The following MMP17 variants were observed in gnomAD, a reference collection of about 807,000 sequenced individuals.
The protein encoded by MMP17 is matrix metallopeptidase 17.
A neutral mutation model predicts 49.1 loss-of-function variants in MMP17; 54 were observed. The ratio of observed to expected loss-of-function variants is 1.10; its 90% CI spans 0.88 to 1.38. MMP17 has a LOEUF of 1.38. Among genes scored for constraint, MMP17 ranks in the 40% most tolerant of loss-of-function variants. The pLI, the probability that MMP17 is intolerant of heterozygous loss-of-function variation, is 0.00. For missense variants in MMP17, 837 were observed against 853.7 expected, an observed-to-expected ratio of 0.98 and a Z score of 0.24; for synonymous variants, 397 against 383.1, an observed-to-expected ratio of 1.04 and a Z score of -0.42.
At chr12:131,840,485 C>G (rs886719873) in intron 3 of MMP17, 88 bp from the exon 4 acceptor site, 1 of 1,437,564 alleles carries the variant, frequency 7.0e-7, no homozygotes. Flanking sequence ...GGGGCACCCC[C>G]GGGCTGAGGA....
chr12:131,848,604 G>T (rs979297400), intron 8 of MMP17, among the ~76,000 whole-genome samples: 1 of 152,004 alleles, frequency 6.6e-6, no homozygotes, highest in South Asian at 2.1e-4. Flanking sequence ...CCTCCCCTGG[G>T]CACCCCCACT....
chr12:131,850,397 C>T (rs1445094085), intron 9 of MMP17, among the ~76,000 whole-genome samples: 2 of 152,324 alleles, frequency 1.3e-5, no homozygotes, highest in African/African-American at 4.8e-5. Context: ...CCTCCCTCGC[C>T]GGCCCCAGCC....
intron 1 of MMP17, among the ~76,000 whole-genome samples, chr12:131,834,139 C>T (rs531503906): frequency 1.3e-5 from 2 of 152,208 alleles, no homozygotes; most frequent in Admixed American, 1.3e-4. Context: ...GCCTCTGTGT[C>T]CCCATCTTTG....
At chr12:131,847,579 G>A (rs748193079) in intron 8 of MMP17, among the ~76,000 whole-genome samples, 35 of 152,218 alleles carry the variant, frequency 2.3e-4, no homozygotes, top group African/African-American at 4.3e-4. Context: ...CATCACGTGC[G>A]GCTCCCCTGC....
Position 131,845,152 on chromosome 12 carries a change from CACTT to C in MMP17, c.1004_1007del (p.His335LeufsTer22), listed in dbSNP as rs1237493571. The C allele has an allele frequency of 6.2e-7, 1 of 1,613,756 alleles. No individual in the cohort carries two copies. On this transcript the variant is annotated frameshift_variant, in exon 7 of 10. Coordinates refer to ENST00000360564, the MANE Select transcript of MMP17 (RefSeq NM_016155.7). LOFTEE classifies it high-confidence loss of function. ...GGACGTGCCCCACAGATGCAGCACT[CACTT>C]TGACGCGGTGGCCCAGATCCGGGGT...
intron 1 of MMP17, among the ~76,000 whole-genome samples, chr12:131,830,756 GGGCC>G (rs1322564908): frequency 6.6e-6 from 1 of 152,112 alleles, no homozygotes; most frequent in Non-Finnish European, 1.5e-5. Context: ...CTGGAGGGGA[GGGCC>G]CGCCCCGGAG....
At chr12:131,845,022 G>A in intron 6 of MMP17, 96 bp from the exon 7 acceptor site, 3 of 1,276,076 alleles carry the variant, frequency 2.4e-6, no homozygotes, top group South Asian at 2.4e-5. Context: ...AAGGATGCCT[G>A]TCCCATGCCG....
intron 5 of MMP17, among the ~76,000 whole-genome samples, chr12:131,842,745 C>T (rs368723625): frequency 1.4e-4 from 21 of 151,864 alleles, no homozygotes; most frequent in African/African-American, 4.6e-4. Flanking sequence ...TGCACTCCAG[C>T]CTGGGTGGCA....
At chr12:131,832,350 T>G (rs1016017736) in intron 1 of MMP17, among the ~76,000 whole-genome samples, 13 of 34,096 alleles carry the variant, frequency 3.8e-4, no homozygotes, top group South Asian at 1.1e-3. Context: ...GGGAGGGGGA[T>G]GGGAAGGGGG....
rs572585357 is a variant in MMP17 at position 131,845,854 on chromosome 12, G to A, written c.1204+405G>A. ...CCCGGGGAACGGCCGTGCGAGGCAG[G>A]AGCAGCCCTGCCGAGTCCCAAAAAC... On this transcript the variant is annotated intron_variant, in intron 8 of 9. Coordinates refer to ENST00000360564, the MANE Select transcript of MMP17 (RefSeq NM_016155.7). Among the ~76,000 whole-genome samples the A allele has an allele frequency of 6.5e-4, 99 of 152,232 alleles. 1 individual carries two copies. The highest frequency in any genetic ancestry group is 7.4e-5 in the Non-Finnish European group (5 of 68,016).
At chr12:131,830,634 C>G (rs938437911) in intron 1 of MMP17, among the ~76,000 whole-genome samples, 6 of 152,228 alleles carry the variant, frequency 3.9e-5, no homozygotes, top group Admixed American at 3.9e-4. Context: ...GCCCGCTCGC[C>G]GGAGGCGCTC....
intron 1 of MMP17, among the ~76,000 whole-genome samples, chr12:131,830,655 C>G (rs1886744673): frequency 6.6e-6 from 1 of 152,230 alleles, no homozygotes; most frequent in Non-Finnish European, 1.5e-5. Flanking sequence ...CCGGAGTGGA[C>G]TGATATTCAG....
chr12:131,838,172 C>T, intron 1 of MMP17, 23 bp from the exon 2 acceptor site: 4 of 1,600,340 alleles, frequency 2.5e-6, no homozygotes, highest in Non-Finnish European at 3.4e-6. Flanking sequence ...GTTGCACCCC[C>T]TCACCCTGCT....
intron 1 of MMP17, among the ~76,000 whole-genome samples, chr12:131,831,433 C>T (rs1886788661): frequency 6.6e-6 from 1 of 152,050 alleles, no homozygotes; most frequent in Admixed American, 6.5e-5. Context: ...CCCTCCATGT[C>T]CTGGCTTCTG....
intron 1 of MMP17, among the ~76,000 whole-genome samples, chr12:131,836,183 A>AG (rs1325741168): frequency 2.0e-5 from 3 of 151,922 alleles, no homozygotes; most frequent in Admixed American, 6.6e-5. Context: ...GGGTTTGGAA[A>AG]GGGGGTAAAG....
chr12:131,836,664 TA>T (rs1887099067), intron 1 of MMP17, among the ~76,000 whole-genome samples: 1 of 119,160 alleles, frequency 8.4e-6, no homozygotes, highest in Non-Finnish European at 1.7e-5. Flanking sequence ...AAGCATTTTC[TA>T]AATGTCCAGA....
intron 1 of MMP17, among the ~76,000 whole-genome samples, chr12:131,829,368 C>T (rs955161284): frequency 2.0e-4 from 31 of 152,228 alleles, no homozygotes; most frequent in African/African-American, 6.0e-4. Context: ...GACGTGGCCT[C>T]TTCCTACAGC....
chr12:131,849,509 G>GA (rs1449297465), intron 8 of MMP17, among the ~76,000 whole-genome samples: 3 of 152,144 alleles, frequency 2.0e-5, no homozygotes, highest in African/African-American at 7.2e-5. Flanking sequence ...AATAATAATA[G>GA]GATGGCATGT....
At position 131,851,662 on chromosome 12, in the gene MMP17, T is replaced by G; in HGVS notation, c.*388T>G. ...CTCCCGCCGGCCCACAGGGCCTCCGTCCCCAGGTCCCCAGTGGGGCAGCCC... is the reference window on the plus strand; with the variant it reads ...CTCCCGCCGGCCCACAGGGCCTCCGGCCCCAGGTCCCCAGTGGGGCAGCCC... On this transcript the variant is annotated 3_prime_UTR_variant, in exon 10 of 10. Transcript: ENST00000360564. 5.2e-6 allele frequency: 1 copy of G among 191,238 alleles called. No individual in the cohort carries two copies. Among genetic ancestry groups the G allele is most frequent in the Non-Finnish European group, 1.1e-5 (1 of 93,784 alleles). The allele number at this position is 191,238 out of a possible 1,614,324, so 11.8% of individuals were successfully genotyped here.
Sources: gnomAD v4.1 joint callset for allele counts (sites outside exome capture counted in the v4.1 genomes callset) on GRCh38, gnomAD v4.1.1 for gene constraint, MANE v1.5 for transcripts, NCBI Gene and HGNC (gene_info 2026-07-23, HGNC 2026-07-21) for gene names.